Variants in ADAM23 observed in about 807,000 individuals in gnomAD.
ADAM23 encodes the protein ADAM metallopeptidase domain 23.
In ADAM23, 33 loss-of-function variants were observed where a neutral mutation model predicts 120.1. The observed-to-expected ratio is 0.27, with a 90% CI of 0.21 to 0.37. ADAM23 has a LOEUF of 0.37. ADAM23 is among the 10% of genes least tolerant of loss of function. The probability of loss-of-function intolerance (pLI) is 1.00; values close to 1 mark genes in which losing one functional copy is unlikely to be tolerated. For synonymous variants in ADAM23, 367 were observed against 375.2 expected, an observed-to-expected ratio of 0.98 and a Z score of 0.25; for missense variants, 862 against 1,058.2, an observed-to-expected ratio of 0.81 and a Z score of 2.57.
intron 18 of ADAM23, among the ~76,000 whole-genome samples, chr2:206,586,660 T>C (rs1698327709): frequency 6.6e-6 from 1 of 152,236 alleles, no homozygotes; most frequent in Non-Finnish European, 1.5e-5. Flanking sequence ...GACTTGATCT[T>C]TTTCCATTCT....
At chr2:206,536,336 A>T (rs1697175217) in intron 4 of ADAM23, among the ~76,000 whole-genome samples, 1 of 151,834 alleles carries the variant, frequency 6.6e-6, no homozygotes, top group Non-Finnish European at 1.5e-5. Flanking sequence ...TTGGTGCAAA[A>T]GCAATTGCGG....
At chr2:206,505,306 A>T (rs1300203155) in intron 3 of ADAM23, among the ~76,000 whole-genome samples, 2 of 152,228 alleles carry the variant, frequency 1.3e-5, no homozygotes, top group Non-Finnish European at 2.9e-5. Context: ...AGTGTGTGTT[A>T]TAGTGTCCAA....
chr2:206,603,247 G>C (rs1698672135), intron 24 of ADAM23, among the ~76,000 whole-genome samples: 1 of 152,144 alleles, frequency 6.6e-6, no homozygotes, highest in Non-Finnish European at 1.5e-5. Flanking sequence ...TGCAACCTTT[G>C]TTTTCAAATA....
chr2:206,568,833 A>C (rs1306100878), intron 15 of ADAM23, among the ~76,000 whole-genome samples: 1 of 152,256 alleles, frequency 6.6e-6, no homozygotes, highest in Non-Finnish European at 1.5e-5. Flanking sequence ...ATCAGTAACT[A>C]ATGTGGTAAC....
intron 4 of ADAM23, among the ~76,000 whole-genome samples, chr2:206,537,776 A>G (rs1248248675): frequency 1.3e-5 from 2 of 152,078 alleles, no homozygotes; most frequent in Admixed American, 1.3e-4. Context: ...GTACACTAGA[A>G]TTTTTTCCCT....
chr2:206,468,478 A>G (rs190428263), intron 2 of ADAM23, among the ~76,000 whole-genome samples: 1 of 152,292 alleles, frequency 6.6e-6, no homozygotes, highest in Admixed American at 6.5e-5. Context: ...AAGTATAATA[A>G]AAGTGACCTT....
intron 24 of ADAM23, among the ~76,000 whole-genome samples, chr2:206,599,220 A>AG (rs1037461929): frequency 6.6e-5 from 10 of 151,970 alleles, no homozygotes; most frequent in African/African-American, 2.4e-4. Context: ...AAAAAAAAAA[A>AG]AGAGATAAGC....
At chr2:206,570,890 C>A in intron 16 of ADAM23, 79 bp downstream of exon 16, 2 of 1,248,968 alleles carry the variant, frequency 1.6e-6, no homozygotes, top group Non-Finnish European at 2.3e-6. Context: ...GAGAGGCCAG[C>A]ACATTGATTG....
chr2:206,478,507 T>TATG (rs58463126), intron 2 of ADAM23, among the ~76,000 whole-genome samples: 19,130 of 150,436 alleles, frequency 0.13, 1,405 homozygotes, highest in African/African-American at 0.19. Flanking sequence ...ATCATAATGA[T>TATG]ATGATGATGA....
intron 3 of ADAM23, among the ~76,000 whole-genome samples, chr2:206,489,960 T>C (rs1001126055): frequency 6.6e-6 from 1 of 152,258 alleles, no homozygotes; most frequent in Non-Finnish European, 1.5e-5. Context: ...TGTTATGCTC[T>C]GTGTGTCTCC....
At chr2:206,597,533 G>A (rs1043356260) in intron 24 of ADAM23, among the ~76,000 whole-genome samples, 2 of 151,924 alleles carry the variant, frequency 1.3e-5, no homozygotes, top group South Asian at 2.1e-4. Flanking sequence ...TTATTCTCCC[G>A]ATTCTCAACC....
intron 15 of ADAM23, among the ~76,000 whole-genome samples, 189 bp from the exon 16 acceptor site, chr2:206,570,550 AT>A (rs1697974914): frequency 6.6e-6 from 1 of 152,156 alleles, no homozygotes; most frequent in African/African-American, 2.4e-5. Flanking sequence ...TTTCAGATAT[AT>A]TTTTAAGTAC....
intron 3 of ADAM23, among the ~76,000 whole-genome samples, chr2:206,483,886 C>A (rs1695949101): frequency 6.6e-6 from 1 of 151,990 alleles, no homozygotes; most frequent in Non-Finnish European, 1.5e-5. Context: ...AGCAAATATC[C>A]ATTGAGGAGG....
At chr2:206,553,213 A>G (rs901966723) in intron 9 of ADAM23, among the ~76,000 whole-genome samples, 12 of 152,184 alleles carry the variant, frequency 7.9e-5, no homozygotes, top group Admixed American at 3.9e-4. Flanking sequence ...CCCCATTTCT[A>G]CTAAAATATA....
chr2:206,607,596 A>G (rs768169182), intron 24 of ADAM23, among the ~76,000 whole-genome samples: 4 of 152,092 alleles, frequency 2.6e-5, no homozygotes, highest in Non-Finnish European at 5.9e-5. Context: ...TTCATCAATC[A>G]TTTCCAGTTT....
chr2:206,580,464 A>G (rs1438735502), intron 18 of ADAM23, among the ~76,000 whole-genome samples: 1 of 152,094 alleles, frequency 6.6e-6, no homozygotes, highest in African/African-American at 2.4e-5. Context: ...TTCTGCACCT[A>G]TTGAGATGAT....
intron 3 of ADAM23, among the ~76,000 whole-genome samples, chr2:206,527,471 A>G (rs533633343): frequency 2.6e-5 from 4 of 152,290 alleles, no homozygotes; most frequent in African/African-American, 7.2e-5. Flanking sequence ...ACATTTCACT[A>G]TTATTTCAAG....
chr2:206,587,229 T>C, intron 18 of ADAM23, 96 bp from the exon 19 acceptor site: 1 of 818,078 alleles, frequency 1.2e-6, no homozygotes, highest in Non-Finnish European at 1.9e-6. Context: ...TGTTTCTAGT[T>C]ATATATATCC....
intron 3 of ADAM23, among the ~76,000 whole-genome samples, chr2:206,501,547 A>G (rs1696387381): frequency 6.6e-6 from 1 of 152,146 alleles, no homozygotes; most frequent in Non-Finnish European, 1.5e-5. Flanking sequence ...AAATAAGAAT[A>G]CAGATCATTT....
Sources: allele counts gnomAD v4.1 joint callset (sites outside exome capture counted in the v4.1 genomes callset), GRCh38; gene constraint gnomAD v4.1.1; transcripts MANE v1.5; gene names NCBI Gene and HGNC (gene_info 2026-07-23, HGNC 2026-07-21).